Variants in PKHD1 observed in about 807,000 individuals in gnomAD.
PKHD1 encodes the protein PKHD1 ciliary IPT domain containing fibrocystin/polyductin.
A neutral mutation model predicts 412.0 loss-of-function variants in PKHD1; 291 were observed. The ratio of observed to expected loss-of-function variants is 0.71; its 90% CI spans 0.64 to 0.78. The LOEUF is 0.78. Ranked by LOEUF, PKHD1 falls within the 30% of genes least tolerant of loss-of-function variation. PKHD1 has a pLI of 0.00. For missense variants in PKHD1, 4,825 were observed against 4,950.7 expected (o/e 0.97, Z 0.76); for synonymous variants, 1,777 against 1,821.5 (o/e 0.98, Z 0.62).
chr6:51,763,443 T>G (rs2151075035), intron 55 of PKHD1, among the ~76,000 whole-genome samples: 1 of 152,258 alleles, frequency 6.6e-6, no homozygotes, highest in Admixed American at 6.5e-5. Flanking sequence ...TAACACATTC[T>G]TATAAGAAAA....
chr6:51,966,968 A>G (rs1792903767), intron 35 of PKHD1, among the ~76,000 whole-genome samples: 1 of 152,096 alleles, frequency 6.6e-6, no homozygotes, highest in Admixed American at 6.5e-5. Flanking sequence ...GCCAGAGGCT[A>G]TCAAAGGAGG....
chr6:52,028,119 C>T (rs1802498204), intron 30 of PKHD1, 37 bp downstream of exon 30: 1 of 1,589,252 alleles, frequency 6.3e-7, no homozygotes. Flanking sequence ...GCTAGACCAT[C>T]AAACAAATCC....
intron 45 of PKHD1, 73 bp from the exon 46 acceptor site, chr6:51,883,300 A>G (rs1285535592): frequency 7.6e-7 from 1 of 1,319,230 alleles, no homozygotes; most frequent in Non-Finnish European, 1.1e-6. Context: ...AGCTTTTAAA[A>G]TTATTGATTA....
intron 52 of PKHD1, among the ~76,000 whole-genome samples, chr6:51,810,983 T>C (rs1386180642): frequency 6.6e-6 from 1 of 152,190 alleles, no homozygotes; most frequent in Non-Finnish European, 1.5e-5. Context: ...AATTTGTGAT[T>C]CTTTGGAAGC....
chr6:51,927,306 G>C (rs1785802742), intron 37 of PKHD1, among the ~76,000 whole-genome samples: 2 of 152,044 alleles, frequency 1.3e-5, no homozygotes, highest in South Asian at 4.2e-4. Context: ...CCTACCAGGA[G>C]GACACATGCA....
chr6:51,665,656 C>A (rs77042307), intron 60 of PKHD1, among the ~76,000 whole-genome samples: 3,141 of 152,196 alleles, frequency 0.021, 56 homozygotes, highest in Non-Finnish European at 0.034. Context: ...TTGTGAGAAG[C>A]AGCTAATGCA....
intron 5 of PKHD1, among the ~76,000 whole-genome samples, chr6:52,076,927 A>T (rs80332131): frequency 6.6e-6 from 1 of 152,306 alleles, no homozygotes; most frequent in African/African-American, 2.4e-5. Context: ...GATTCAAGGA[A>T]TGGGAAGCAA....
At chr6:51,867,787 T>C (rs1168540439) in intron 48 of PKHD1, 76 bp downstream of exon 48, 5 of 1,352,648 alleles carry the variant, frequency 3.7e-6, no homozygotes, top group Non-Finnish European at 5.3e-6. Context: ...ACAATTTCCC[T>C]TCTATAAGCC....
chr6:52,057,739 G>C (rs1199153019), intron 16 of PKHD1, among the ~76,000 whole-genome samples: 4 of 152,092 alleles, frequency 2.6e-5, no homozygotes, highest in African/African-American at 9.7e-5. Flanking sequence ...TAAATCAATT[G>C]TTACTTTCTA....
intron 12 of PKHD1, among the ~76,000 whole-genome samples, 196 bp downstream of exon 12, chr6:52,065,780 G>T (rs1257933477): frequency 6.6e-6 from 1 of 152,120 alleles, no homozygotes. Flanking sequence ...GTGTCTGCAG[G>T]ACATTCCATT....
In PKHD1 at chr6:52,035,597, T is replaced by C; in HGVS notation, c.3222A>G (p.Pro1074=). The change falls in exon 28 of 67, where the codon CCA becomes CCG. Residue 1074 remains proline (P), a synonymous_variant. Coordinates refer to ENST00000371117, the MANE Select transcript of PKHD1 (RefSeq NM_138694.4). ...ATGAAAGGAATCCACTTACCCTGGG[T>C]GGAACTTTGCACTGAATTCTGCTTG... ...SNSSRIQCKV[P]PRGKDGRIVN... is the part of the protein sequence containing the mutation. The C allele has an allele frequency of 6.2e-7, 1 of 1,613,868 alleles. No individual in the cohort carries two copies. The highest frequency in any genetic ancestry group is 8.5e-7 in the Non-Finnish European group (1 of 1,179,822).
rs554608110 is a variant in PKHD1, at chr6:51,639,028, G to A, written c.11399-72C>T. The A allele has an allele frequency of 4.1e-5, 46 of 1,114,080 alleles. 1 individual carries two copies. Among genetic ancestry groups the A allele is most frequent in the South Asian group, 4.1e-4 (33 of 81,052 alleles). 69.0% of individuals were successfully genotyped at this position (1,114,080 alleles called of 1,614,324 possible). On this transcript the variant is annotated intron_variant, in intron 63 of 66. Transcript: ENST00000371117. ...CGAACAATGTCTTCATGTCTTCTGC[G>A]AAGGCAGACATTTGGACAATAAAGG... is the stretch of plus-strand genomic sequence containing the variant.
chr6:52,011,228 G>A (rs1438539573), intron 34 of PKHD1, among the ~76,000 whole-genome samples: 3 of 152,194 alleles, frequency 2.0e-5, no homozygotes, highest in African/African-American at 7.2e-5. Flanking sequence ...ATCTAGAGGT[G>A]AGGACATGGA....
chr6:51,963,342 A>C (rs1269773432), intron 35 of PKHD1, among the ~76,000 whole-genome samples: 1 of 152,132 alleles, frequency 6.6e-6, no homozygotes, highest in Non-Finnish European at 1.5e-5. Flanking sequence ...TTAAGCATTC[A>C]GTTTCAAGAG....
rs180752914 is a variant in PKHD1 at position 51,818,229 on chromosome 6, G to A, written c.8302+12632C>T. Among the ~76,000 whole-genome samples the A allele has an allele frequency of 6.7e-3, 1,018 of 152,254 alleles. 7 individuals are homozygous for A. The highest frequency in any genetic ancestry group is 0.011 in the Non-Finnish European group (742 of 68,014). Reference sequence around the variant, plus strand: ...CTGGATAATGCAGCCAAAACAAAAGGCAGTCACTTACTGCTTGCAATTGTT... The same window carrying A: ...CTGGATAATGCAGCCAAAACAAAAGACAGTCACTTACTGCTTGCAATTGTT... On this transcript the variant is annotated intron_variant, in intron 52 of 66. Coordinates refer to ENST00000371117, the MANE Select transcript of PKHD1 (RefSeq NM_138694.4).
intron 33 of PKHD1, among the ~76,000 whole-genome samples, chr6:52,021,961 G>A (rs1413872424): frequency 6.6e-6 from 1 of 152,200 alleles, no homozygotes; most frequent in African/African-American, 2.4e-5. Flanking sequence ...CAGAAAGGAG[G>A]TATGTAAACG....
intron 63 of PKHD1, among the ~76,000 whole-genome samples, 160 bp downstream of exon 63, chr6:51,647,871 C>T (rs1417739243): frequency 6.6e-6 from 1 of 152,192 alleles, no homozygotes; most frequent in African/African-American, 2.4e-5. Context: ...TTCCTTTTCA[C>T]AGACACTGAC....
At chr6:51,713,430 C>T (rs1780878463) in intron 60 of PKHD1, among the ~76,000 whole-genome samples, 1 of 152,214 alleles carries the variant, frequency 6.6e-6, no homozygotes, top group Admixed American at 6.5e-5. Context: ...TTGACTCCTC[C>T]TCCTCTACTC....
intron 58 of PKHD1, among the ~76,000 whole-genome samples, chr6:51,747,349 T>C (rs1562220041): frequency 1.3e-5 from 2 of 152,160 alleles, no homozygotes; most frequent in Non-Finnish European, 2.9e-5. Flanking sequence ...TTCAATTTCC[T>C]CACTTGTATA....
Sources: allele counts gnomAD v4.1 joint callset (sites outside exome capture counted in the v4.1 genomes callset), GRCh38; gene constraint gnomAD v4.1.1; transcripts MANE v1.5; gene names NCBI Gene and HGNC (gene_info 2026-07-23, HGNC 2026-07-21).